BMPER: variants seen among roughly 807,000 people sequenced by gnomAD.
BMPER encodes BMP-binding endothelial regulator protein.
BMPER carries 45 observed loss-of-function variants against 87.3 expected under a neutral mutation model. That is an observed-to-expected ratio of 0.52 (90% CI 0.41 to 0.66). The LOEUF (loss-of-function observed/expected upper bound fraction) is 0.66, where lower values mean the gene tolerates loss of function less well. Among genes scored for constraint, BMPER ranks in the 30% least tolerant of loss-of-function variants. BMPER has a pLI of 0.00. For synonymous variants in BMPER, 326 were observed against 316.2 expected (o/e 1.03, Z -0.33); for missense variants, 784 against 867.5 (o/e 0.90, Z 1.21).
intron 4 of BMPER, among the ~76,000 whole-genome samples, chr7:33,969,600 T>C (rs937945327): frequency 3.3e-5 from 5 of 152,230 alleles, no homozygotes; most frequent in Middle Eastern, 3.4e-3. Flanking sequence ...GGGGTTTCAC[T>C]GTGTTAGCCA....
chr7:34,001,967 T>C (rs1230504545), intron 6 of BMPER, among the ~76,000 whole-genome samples: 1 of 151,798 alleles, frequency 6.6e-6, no homozygotes, highest in East Asian at 1.9e-4. Context: ...TATTTTTGAA[T>C]TTCCCAAATT....
Position 34,024,404 on chromosome 7 carries a change from T to A in BMPER, c.577-21902T>A, listed in dbSNP as rs1358249470. On this transcript the variant is annotated intron_variant, in intron 6 of 14. Coordinates refer to ENST00000649409, the MANE Select transcript of BMPER (RefSeq NM_001365308.1). The stretch of plus-strand genomic sequence containing the variant: ...AAAACAATATATATATATATATATA[T>A]ATATATATATATATATATATATATA... Among the ~76,000 whole-genome samples the A allele has an allele frequency of 7.5e-4, 27 of 36,110 alleles. 1 individual carries two copies. The highest frequency in any genetic ancestry group is 2.6e-3 in the African/African-American group (22 of 8,528). 23.7% of individuals were successfully genotyped at this position (36,110 alleles called of 152,430 possible). A position where few individuals can be genotyped will look rare whatever the true frequency, so the allele number is the denominator to read the frequency against.
intron 3 of BMPER, among the ~76,000 whole-genome samples, chr7:33,953,886 G>A (rs1329406116): frequency 1.3e-5 from 2 of 152,146 alleles, no homozygotes; most frequent in African/African-American, 4.8e-5. Context: ...GCATGTATGT[G>A]CAGTCAGACA....
In BMPER at chr7:34,046,295, TC is replaced by T. The variant is rs1344808984; in HGVS notation, c.577-10del. The stretch of plus-strand genomic sequence containing the variant: ...TTTCTAAATATGCTTTTTTTTTCTC[TC>T]TTTTCTTAGGGAGGCAGGACACAAT... On this transcript the variant is annotated splice_polypyrimidine_tract_variant and intron_variant, in intron 6 of 14. Coordinates refer to ENST00000649409, the MANE Select transcript of BMPER (RefSeq NM_001365308.1). 6.2e-7 allele frequency: 1 copy of T among 1,611,598 alleles called. No homozygotes were observed. Among genetic ancestry groups the T allele is most frequent in the Non-Finnish European group, 8.5e-7 (1 of 1,177,774 alleles).
intron 2 of BMPER, among the ~76,000 whole-genome samples, chr7:33,924,913 C>T (rs1010734683): frequency 4.6e-5 from 7 of 152,180 alleles, no homozygotes; most frequent in East Asian, 1.9e-4. Context: ...CCACCTGCCT[C>T]GGTCTCCCAA....
intron 13 of BMPER, among the ~76,000 whole-genome samples, chr7:34,106,723 A>T (rs184173812): frequency 6.6e-6 from 1 of 152,252 alleles, no homozygotes; most frequent in East Asian, 1.9e-4. Flanking sequence ...AAAATTCCAA[A>T]TTCTTTAACT....
At chr7:34,047,795 C>CCTCCTTCCTTCCTTCA (rs141793450) in intron 7 of BMPER, among the ~76,000 whole-genome samples, 4 of 33,450 alleles carry the variant, frequency 1.2e-4, no homozygotes, top group Admixed American at 3.1e-4. Flanking sequence ...TCTTTCCTTC[C>CCTCCTTCCTTCCTTCA]TTCCTTCCTT....
intron 6 of BMPER, among the ~76,000 whole-genome samples, chr7:33,990,157 T>TAGCTTGATGGGGATGG (rs1786163292): frequency 2.0e-5 from 3 of 149,826 alleles, no homozygotes; most frequent in African/African-American, 7.3e-5. Flanking sequence ...GTGAAGAAAG[T>TAGCTTGATGGGGATGG]CATTGGTAGC....
intron 3 of BMPER, among the ~76,000 whole-genome samples, chr7:33,951,467 C>G (rs1163481830): frequency 1.3e-5 from 2 of 152,196 alleles, no homozygotes; most frequent in African/African-American, 2.4e-5. Flanking sequence ...CTGACTTTGA[C>G]CCATTTTTTA....
At chr7:34,001,894 A>G (rs910428415) in intron 6 of BMPER, among the ~76,000 whole-genome samples, 1 of 151,460 alleles carries the variant, frequency 6.6e-6, no homozygotes, top group African/African-American at 2.4e-5. Context: ...AGAATTTTCT[A>G]ATTTCTTTTG....
intron 6 of BMPER, among the ~76,000 whole-genome samples, chr7:34,036,229 T>C (rs760014349): frequency 6.0e-4 from 92 of 152,206 alleles, no homozygotes; most frequent in Non-Finnish European, 1.1e-3. Context: ...TCCGTGATGA[T>C]GAAAGTTTGA....
upstream of BMPER, chr7:33,905,438 T>TCCCCCCCCCCCCCCCCCCC: frequency 8.7e-5 from 2 of 23,002 alleles, no homozygotes; most frequent in Non-Finnish European, 8.2e-5. Flanking sequence ...CCTTGGTCTC[T>TCCCCCCCCCCCCCCCCCCC]CCCCCCGCCC....
intron 13 of BMPER, among the ~76,000 whole-genome samples, chr7:34,091,585 G>T (rs760488146): frequency 6.6e-6 from 1 of 152,118 alleles, no homozygotes; most frequent in Non-Finnish European, 1.5e-5. Context: ...TTAATTCACC[G>T]TGTCTACAAA....
intron 6 of BMPER, among the ~76,000 whole-genome samples, chr7:33,999,216 C>T (rs1248181236): frequency 6.6e-6 from 1 of 152,172 alleles, no homozygotes; most frequent in African/African-American, 2.4e-5. Context: ...CTTCACTTTA[C>T]CTGCCTGGGC....
chr7:34,016,546 G>C (rs751978890), intron 6 of BMPER, among the ~76,000 whole-genome samples: 3 of 151,902 alleles, frequency 2.0e-5, no homozygotes, highest in Non-Finnish European at 4.4e-5. Context: ...ATTCTTGACT[G>C]CATTTTAAGA....
intron 13 of BMPER, among the ~76,000 whole-genome samples, chr7:34,095,129 G>T (rs1484187073): frequency 6.6e-6 from 1 of 152,118 alleles, no homozygotes; most frequent in Non-Finnish European, 1.5e-5. Flanking sequence ...GAAGGGGAAG[G>T]TGCAGAAAAG....
At chr7:33,958,973 T>C (rs1373320778) in intron 3 of BMPER, among the ~76,000 whole-genome samples, 1 of 152,124 alleles carries the variant, frequency 6.6e-6, no homozygotes, top group East Asian at 1.9e-4. Flanking sequence ...TCTCACAAGA[T>C]ACGCTGGTTT....
chr7:34,087,375 A>C (rs1386480721), intron 13 of BMPER, among the ~76,000 whole-genome samples: 1 of 152,176 alleles, frequency 6.6e-6, no homozygotes, highest in Non-Finnish European at 1.5e-5. Flanking sequence ...TTTATTTGGA[A>C]TCTAAAAACC....
At chr7:34,133,547 T>C (rs956979348) in intron 13 of BMPER, among the ~76,000 whole-genome samples, 1 of 152,164 alleles carries the variant, frequency 6.6e-6, no homozygotes, top group Non-Finnish European at 1.5e-5. Flanking sequence ...CTTAAGTGTT[T>C]CCCTGAGTCC....
Sources: gnomAD v4.1 joint callset for allele counts (sites outside exome capture counted in the v4.1 genomes callset) on GRCh38, gnomAD v4.1.1 for gene constraint, MANE v1.5 for transcripts, NCBI Gene and HGNC (gene_info 2026-07-23, HGNC 2026-07-21) for gene names.